The following IPO11 variants were observed in gnomAD, a reference collection of about 807,000 sequenced individuals.
The protein encoded by IPO11 is importin-11.
A neutral mutation model predicts 143.2 loss-of-function variants in IPO11; 66 were observed. The observed-to-expected ratio is 0.46, with a 90% confidence interval of 0.38 to 0.57. The LOEUF is 0.57. Ranked by LOEUF, IPO11 falls within the 20% of genes least tolerant of loss-of-function variation. The pLI is 0.00. For missense variants in IPO11, 1,026 were observed against 1,141.0 expected (o/e 0.90, Z 1.45); for synonymous variants, 385 against 377.8 (o/e 1.02, Z -0.22).
At chr5:62,594,227 A>G (rs1745133755) in intron 28 of IPO11, among the ~76,000 whole-genome samples, 1 of 152,212 alleles carries the variant, frequency 6.6e-6, no homozygotes, top group Admixed American at 6.5e-5. Context: ...GAATTGGCTC[A>G]CATGATTATG....
chr5:62,536,889 T>A, intron 23 of IPO11, 108 bp downstream of exon 23: 1 of 1,151,192 alleles, frequency 8.7e-7, no homozygotes, highest in Non-Finnish European at 1.2e-6. Flanking sequence ...TCTGTTATTT[T>A]AAGACAGAGA....
chr5:62,440,522 A>G (rs562254178), intron 2 of IPO11, among the ~76,000 whole-genome samples: 1 of 151,656 alleles, frequency 6.6e-6, no homozygotes. Context: ...TGCCTAGCTA[A>G]TTTTTTGTAT....
chr5:62,494,037 T>G lies in IPO11; in HGVS notation c.1503T>G (p.Gly501=). Residue 501 remains glycine, a synonymous_variant, in exon 16 of 30, where the codon GGT becomes GGG. Coordinates refer to ENST00000325324, the MANE Select transcript of IPO11 (RefSeq NM_016338.5). The part of the protein sequence containing the change: ...PLRRRVIWLI[G]QWISVKFKSD... ...GACGCAGGGTGATTTGGCTCATCGG[T>G]CAGTGGATTTCTGTGAAATTCAAGT... 4.3e-6 allele frequency: 7 copies of G among 1,613,458 alleles called. No homozygotes were observed. The highest frequency in any genetic ancestry group is 2.2e-5 in the East Asian group (1 of 44,838).
chr5:62,521,351 T>G (rs1196245947), intron 20 of IPO11, among the ~76,000 whole-genome samples: 2 of 152,238 alleles, frequency 1.3e-5, no homozygotes, highest in African/African-American at 4.8e-5. Context: ...TTGGCTGGTA[T>G]AAAAGTCTAG....
chr5:62,557,543 T>C (rs1335702007), intron 26 of IPO11, among the ~76,000 whole-genome samples: 1 of 152,174 alleles, frequency 6.6e-6, no homozygotes, highest in East Asian at 1.9e-4. Flanking sequence ...CCCATTGACA[T>C]ATCATTTGTT....
chr5:62,620,450 C>T (rs1189651712), intron 29 of IPO11, among the ~76,000 whole-genome samples: 5 of 142,794 alleles, frequency 3.5e-5, no homozygotes, highest in African/African-American at 1.0e-4. Flanking sequence ...ACCCGGGAGG[C>T]GGAGCTTGCG....
chr5:62,627,135 TCC>T lies in IPO11; in HGVS notation c.2764-18_2764-17del. On this transcript the variant is annotated splice_polypyrimidine_tract_variant and intron_variant, in intron 29 of 29. Coordinates refer to ENST00000325324, the MANE Select transcript of IPO11 (RefSeq NM_016338.5). Reference sequence around the variant, plus strand: ...TGTTTTGCTTTTTTGACAGTCTTGCTCCTCTCTGTATCCCACAGCTGGCCCTG... The same window carrying T: ...TGTTTTGCTTTTTTGACAGTCTTGCTTCTCTGTATCCCACAGCTGGCCCTG... 6.2e-7 allele frequency: 1 copy of T among 1,605,408 alleles called. No individual in the cohort carries two copies. Among genetic ancestry groups the T allele is most frequent in the South Asian group, 1.1e-5 (1 of 90,082 alleles).
At chr5:62,514,386 T>G (rs998081867) in intron 19 of IPO11, among the ~76,000 whole-genome samples, 2 of 151,910 alleles carry the variant, frequency 1.3e-5, no homozygotes, top group Non-Finnish European at 2.9e-5. Context: ...GGCTAGGAGC[T>G]GGAGACCAGT....
intron 24 of IPO11, among the ~76,000 whole-genome samples, chr5:62,543,706 G>A: frequency 6.6e-6 from 1 of 152,024 alleles, no homozygotes; most frequent in Non-Finnish European, 1.5e-5. Context: ...TCTGATCTTA[G>A]TTACTTCTTG....
At chr5:62,582,185 G>A (rs1352055605) in intron 27 of IPO11, among the ~76,000 whole-genome samples, 1 of 152,154 alleles carries the variant, frequency 6.6e-6, no homozygotes, top group African/African-American at 2.4e-5. Context: ...CCCTCTTTCT[G>A]GAAGGAACAA....
At chr5:62,608,926 C>T (rs1434917866) in intron 29 of IPO11, among the ~76,000 whole-genome samples, 1 of 152,206 alleles carries the variant, frequency 6.6e-6, no homozygotes, top group Non-Finnish European at 1.5e-5. Flanking sequence ...TCCCTCCCTC[C>T]CCTGAGCCCC....
At chr5:62,452,460 T>C (rs915238330) in intron 5 of IPO11, among the ~76,000 whole-genome samples, 5 of 150,790 alleles carry the variant, frequency 3.3e-5, no homozygotes, top group African/African-American at 7.5e-5. Flanking sequence ...GCAAAGGAAG[T>C]AGTTCGGATG....
chr5:62,515,328 A>C, intron 19 of IPO11, 60 bp from the exon 20 acceptor site: 1 of 1,101,760 alleles, frequency 9.1e-7, no homozygotes, highest in Non-Finnish European at 1.3e-6. Flanking sequence ...TTGTTTTTCA[A>C]AGTAAATTGC....
chr5:62,520,332 A>G (rs955340997), intron 20 of IPO11, among the ~76,000 whole-genome samples: 1 of 151,980 alleles, frequency 6.6e-6, no homozygotes, highest in African/African-American at 2.4e-5. Flanking sequence ...ACATTTCCTC[A>G]GTGATGTTTT....
At chr5:62,486,145 T>A (rs1158596315) in intron 12 of IPO11, among the ~76,000 whole-genome samples, 2 of 151,898 alleles carry the variant, frequency 1.3e-5, no homozygotes, top group Non-Finnish European at 2.9e-5. Flanking sequence ...CACGCCCAGC[T>A]AATTTTTTGT....
At chr5:62,558,224 G>T (rs1247111404) in intron 26 of IPO11, among the ~76,000 whole-genome samples, 1 of 152,142 alleles carries the variant, frequency 6.6e-6, no homozygotes, top group South Asian at 2.1e-4. Flanking sequence ...AAAAAATTGA[G>T]CATTCCTTTT....
chr5:62,619,336 A>G (rs972910943), intron 29 of IPO11, among the ~76,000 whole-genome samples: 7 of 152,144 alleles, frequency 4.6e-5, no homozygotes, highest in East Asian at 1.9e-4. Context: ...TTTGTATCCT[A>G]TTTTAAAGAA....
intron 27 of IPO11, among the ~76,000 whole-genome samples, chr5:62,568,798 G>T (rs180861277): frequency 5.6e-4 from 85 of 152,220 alleles, no homozygotes; most frequent in Non-Finnish European, 9.1e-4. Context: ...TGTTCTTGAT[G>T]CTTGTAGAGG....
Position 62,550,352 on chromosome 5 carries a change from CT to C in IPO11, c.2251-12del. ...ACTTGCAGTATTATCACCAATCTTT[CT>C]TTCTGGTTTTTAGGTTGTGGAAAAT... On this transcript the variant is annotated splice_polypyrimidine_tract_variant and intron_variant, in intron 24 of 29. Coordinates refer to ENST00000325324, the MANE Select transcript of IPO11 (RefSeq NM_016338.5). The C allele has an allele frequency of 1.3e-6, 2 of 1,578,678 alleles. No individual in the cohort carries two copies. The highest frequency in any genetic ancestry group is 1.7e-6 in the Non-Finnish European group (2 of 1,150,684).
Sources: allele counts gnomAD v4.1 joint callset (sites outside exome capture counted in the v4.1 genomes callset), GRCh38; gene constraint gnomAD v4.1.1; transcripts MANE v1.5; gene names NCBI Gene and HGNC (gene_info 2026-07-23, HGNC 2026-07-21).